NPC1: variants seen among roughly 807,000 people sequenced by gnomAD.
NPC1 encodes the protein NPC intracellular cholesterol transporter 1, also known as Niemann-Pick C1 protein.
A neutral mutation model predicts 140.4 loss-of-function variants in NPC1; 85 were observed. The observed-to-expected ratio is 0.61, with a 90% confidence interval of 0.51 to 0.72. The LOEUF is 0.72. NPC1 is among the 30% of genes least tolerant of loss of function. NPC1 has a pLI of 0.00. For missense variants in NPC1, 1,504 were observed against 1,623.8 expected, an observed-to-expected ratio of 0.93 and a Z score of 1.27; for synonymous variants, 656 against 624.8, an observed-to-expected ratio of 1.05 and a Z score of -0.74.
chr18:23,521,569 T>TC (rs1345261896), downstream of NPC1, among the ~76,000 whole-genome samples: 7 of 152,200 alleles, frequency 4.6e-5, 1 homozygote, highest in South Asian at 1.5e-3. Context: ...GGTTGGGAAG[T>TC]CAGAAGAGTG....
At position 23,543,530 on chromosome 18, in the gene NPC1, G is replaced by A; in HGVS notation, c.2170C>T (p.Leu724=). Residue 724 remains leucine (L), a synonymous_variant, in exon 14 of 25, where the codon CTG becomes TTG. Transcript: ENST00000269228. ...RLQGETLDQQ[L]GRVLGEVAPS... is the part of the protein sequence containing the mutation. Reference sequence around the variant, plus strand: ...GCCACTTCTCCTAGGACCCTGCCCAGCTGCTGATCCAGGGTTTCCCCTTGA... The same window carrying A: ...GCCACTTCTCCTAGGACCCTGCCCAACTGCTGATCCAGGGTTTCCCCTTGA... 1.2e-6 allele frequency: 2 copies of A among 1,608,436 alleles called. No homozygotes were observed. Among genetic ancestry groups the A allele is most frequent in the South Asian group, 1.1e-5 (1 of 90,888 alleles).
At chr18:23,522,466 T>C (rs1158162376) in exon 2 of NPC1, 1 of 152,180 alleles carries the variant, frequency 6.6e-6, no homozygotes, top group Non-Finnish European at 1.5e-5. Context: ...CTTAAAACAT[T>C]ATGAGATTTT....
chr18:23,559,592 C>T (rs1483295126), intron 6 of NPC1, among the ~76,000 whole-genome samples: 2 of 149,820 alleles, frequency 1.3e-5, no homozygotes, highest in African/African-American at 2.5e-5. Flanking sequence ...CTGCCTTGGC[C>T]TCCTAAAGTG....
chr18:23,534,277 C>A lies in NPC1; in HGVS notation c.3591+169G>T. On this transcript the variant is annotated intron_variant, in intron 23 of 24. Transcript: ENST00000269228. The stretch of plus-strand genomic sequence containing the variant: ...AGGAGCCGTACCAACAGGTACAGTT[C>A]CACAGAACGTCCGTTCTGTCCACGA... 4 of 684,280 alleles carry A rather than the reference C, an allele frequency of 5.8e-6. No homozygotes were observed. In the South Asian group the frequency reaches 6.2e-5, roughly 11 times the overall value. 42.4% of individuals were successfully genotyped at this position (684,280 alleles called of 1,614,324 possible).
At position 23,544,943 on chromosome 18, in the gene NPC1, A is replaced by ACCGCC. The variant is rs55809701; in HGVS notation, c.1947+16_1947+17insGGCGG. ...GCTGTTAACCTCTAGAACATACACCACCCCCCCCCGGCTTACCAGAAGCCT... is the reference window on the plus strand; with the variant it reads ...GCTGTTAACCTCTAGAACATACACCACCGCCCCCCCCCCCGGCTTACCAGAAGCCT... On this transcript the variant is annotated intron_variant, in intron 12 of 24. Transcript: ENST00000269228. 969 of 1,041,872 alleles carry ACCGCC rather than the reference A, an allele frequency of 9.3e-4. 20 individuals are homozygous for ACCGCC. The highest frequency in any genetic ancestry group is 2.0e-3 in the Admixed American group (91 of 45,620). The allele number at this position is 1,041,872 out of a possible 1,614,324, so 64.5% of individuals were successfully genotyped here. A position where few individuals can be genotyped will look rare whatever the true frequency, so the allele number is the denominator to read the frequency against.
downstream of NPC1, chr18:23,524,603 G>A (rs1295875729): frequency 4.0e-6 from 4 of 989,992 alleles, no homozygotes; most frequent in South Asian, 1.4e-5. Context: ...TTCAAGCGTG[G>A]GAATGGGATT....
At chr18:23,584,119 AC>A in intron 1 of NPC1, among the ~76,000 whole-genome samples, 1 of 152,354 alleles carries the variant, frequency 6.6e-6, no homozygotes, top group Non-Finnish European at 1.5e-5. Flanking sequence ...GGTTTTAAAA[AC>A]AAGGCAGTCT....
intron 11 of NPC1, 68 bp from the exon 12 acceptor site, chr18:23,545,217 T>TA: frequency 8.5e-7 from 1 of 1,180,818 alleles, no homozygotes; most frequent in Non-Finnish European, 1.3e-6. Context: ...AACTTCTCCC[T>TA]AACTTTCACG....
Position 23,544,468 on chromosome 18 carries a change from G to A in NPC1, c.2006C>T (p.Ala669Val). 1 of 1,607,208 alleles carries A rather than the reference G, an allele frequency of 6.2e-7. No individual in the cohort carries two copies. The highest frequency in any genetic ancestry group is 8.5e-7 in the Non-Finnish European group (1 of 1,177,264). The change falls in exon 13 of 25, where the codon GCT (alanine) becomes GTT (valine). Residue 669 changes from alanine (A) to valine (V), a missense_variant. Transcript: ENST00000269228. The stretch of plus-strand genomic sequence containing the variant: ...GTAGCTGAAGACACCCAAGGAGCAA[G>A]CCACCGAGCTCAGCACGATCAAGAT... ...AGILIVLSSV[A>V]CSLGVFSYIG...
chr18:23,583,796 A>G (rs968291626), intron 1 of NPC1, among the ~76,000 whole-genome samples: 1 of 152,226 alleles, frequency 6.6e-6, no homozygotes, highest in Non-Finnish European at 1.5e-5. Context: ...CCACTGGCTC[A>G]AATTTAAAAA....
At chr18:23,569,478 A>C (rs1198954047) in intron 3 of NPC1, among the ~76,000 whole-genome samples, 2 of 152,122 alleles carry the variant, frequency 1.3e-5, no homozygotes, top group African/African-American at 4.8e-5. Flanking sequence ...GCACACCACC[A>C]CACCTGGCTA....
At chr18:23,566,635 C>T (rs2059129199) in intron 4 of NPC1, among the ~76,000 whole-genome samples, 1 of 152,070 alleles carries the variant, frequency 6.6e-6, no homozygotes, top group African/African-American at 2.4e-5. Flanking sequence ...AGTTGAAGCT[C>T]CCCAATTACC....
At chr18:23,580,764 G>A (rs1474608362) in intron 1 of NPC1, among the ~76,000 whole-genome samples, 1 of 152,246 alleles carries the variant, frequency 6.6e-6, no homozygotes, top group African/African-American at 2.4e-5. Flanking sequence ...ACACAGGCTG[G>A]AGTGGAGGGA....
intron 16 of NPC1, 143 bp downstream of exon 16, chr18:23,540,925 T>C: frequency 1.1e-6 from 1 of 903,906 alleles, no homozygotes; most frequent in Non-Finnish European, 1.8e-6. Flanking sequence ...TTTTATCTAC[T>C]GTTCCACATT....
At position 23,538,709 on chromosome 18, in the gene NPC1, G is replaced by C. The variant is rs374411154; in HGVS notation, c.2912-38C>G. ...TGCAGGGAGGACTGTTAGAAGAATA[G>C]GTCTCCAGATTTTTTGTAAAACATT... On this transcript the variant is annotated intron_variant, in intron 19 of 24. Coordinates refer to ENST00000269228, the MANE Select transcript of NPC1 (RefSeq NM_000271.5). 1.2e-5 allele frequency: 20 copies of C among 1,611,434 alleles called. No homozygotes were observed. In the African/African-American group the frequency reaches 2.4e-4, roughly 19 times the overall value.
chr18:23,552,874 G>A (rs1262327086), intron 9 of NPC1, among the ~76,000 whole-genome samples: 2 of 152,200 alleles, frequency 1.3e-5, no homozygotes, highest in South Asian at 2.1e-4. Flanking sequence ...AGGCGAGGGC[G>A]AGGCAGAATT....
intron 12 of NPC1, 66 bp from the exon 13 acceptor site, chr18:23,544,592 A>G: frequency 6.9e-7 from 1 of 1,448,052 alleles, no homozygotes; most frequent in Non-Finnish European, 9.7e-7. Context: ...TGTTACTAAA[A>G]GGTCCTCCTT....
intron 17 of NPC1, 140 bp downstream of exon 17, chr18:23,540,308 T>G (rs2058695180): frequency 1.4e-6 from 1 of 695,524 alleles, no homozygotes; most frequent in Non-Finnish European, 2.5e-6. Flanking sequence ...ACTGCGACAG[T>G]TCTCCTAACC....
intron 3 of NPC1, among the ~76,000 whole-genome samples, chr18:23,512,796 TGTTCA>T (rs1358831128): frequency 2.6e-5 from 4 of 152,250 alleles, no homozygotes; most frequent in Admixed American, 2.6e-4. Flanking sequence ...TGTTTTTAAG[TGTTCA>T]GTTCAGTAGT....
Sources: allele counts gnomAD v4.1 joint callset (sites outside exome capture counted in the v4.1 genomes callset), GRCh38; gene constraint gnomAD v4.1.1; transcripts MANE v1.5; gene names NCBI Gene and HGNC (gene_info 2026-07-23, HGNC 2026-07-21).